The following NKAIN3 variants were observed in gnomAD, a reference collection of about 807,000 sequenced individuals.
The protein encoded by NKAIN3 is sodium/potassium transporting ATPase interacting 3.
In NKAIN3, 25 loss-of-function variants were observed where a neutral mutation model predicts 30.2. That is an observed-to-expected ratio of 0.83 (90% CI 0.60 to 1.16). The LOEUF (loss-of-function observed/expected upper bound fraction) is 1.16, where lower values mean the gene tolerates loss of function less well. NKAIN3 is among the 50% of genes most tolerant of loss of function. The probability of loss-of-function intolerance (pLI) is 0.00; values close to 1 mark genes in which losing one functional copy is unlikely to be tolerated. For missense variants in NKAIN3, 225 were observed against 254.1 expected, an observed-to-expected ratio of 0.89 and a Z score of 0.78; for synonymous variants, 91 against 89.6, an observed-to-expected ratio of 1.02 and a Z score of -0.09.
intron 1 of NKAIN3, among the ~76,000 whole-genome samples, chr8:62,494,452 T>A (rs1807171933): frequency 6.6e-6 from 1 of 152,178 alleles, no homozygotes; most frequent in South Asian, 2.1e-4. Context: ...GCATCAATGT[T>A]CATCAAGAAT....
At chr8:62,321,741 T>A (rs1406974531) in intron 1 of NKAIN3, among the ~76,000 whole-genome samples, 3 of 152,138 alleles carry the variant, frequency 2.0e-5, no homozygotes, top group Admixed American at 6.5e-5. Context: ...CTGCCCCTAC[T>A]GGGGGGTGCC....
At chr8:62,774,778 T>C (rs1205985400) in intron 4 of NKAIN3, among the ~76,000 whole-genome samples, 1 of 152,186 alleles carries the variant, frequency 6.6e-6, no homozygotes, top group Non-Finnish European at 1.5e-5. Flanking sequence ...TGAGAGATCT[T>C]TAAATTTATT....
At chr8:62,768,461 G>A (rs1816914015) in intron 4 of NKAIN3, among the ~76,000 whole-genome samples, 1 of 152,164 alleles carries the variant, frequency 6.6e-6, no homozygotes, top group Non-Finnish European at 1.5e-5. Context: ...AGACAAAGTA[G>A]AGACTTCTGC....
chr8:62,774,537 T>C (rs996761484), intron 4 of NKAIN3, among the ~76,000 whole-genome samples: 1 of 152,206 alleles, frequency 6.6e-6, no homozygotes, highest in Non-Finnish European at 1.5e-5. Flanking sequence ...AGACTAGCTG[T>C]ATGTGTGTCA....
At chr8:62,316,650 T>C (rs1585670202) in intron 1 of NKAIN3, among the ~76,000 whole-genome samples, 1 of 152,206 alleles carries the variant, frequency 6.6e-6, no homozygotes, top group East Asian at 1.9e-4. Flanking sequence ...GGTGTATATG[T>C]GCCACATTTT....
intron 1 of NKAIN3, among the ~76,000 whole-genome samples, chr8:62,518,649 CA>C (rs1156979335): frequency 6.6e-6 from 1 of 151,988 alleles, no homozygotes; most frequent in East Asian, 1.9e-4. Flanking sequence ...CATTAGGGAT[CA>C]AAAGATTTTA....
At chr8:62,890,013 C>A (rs1821256341) in intron 4 of NKAIN3, among the ~76,000 whole-genome samples, 1 of 152,106 alleles carries the variant, frequency 6.6e-6, no homozygotes, top group Non-Finnish European at 1.5e-5. Flanking sequence ...GCTCTATATT[C>A]ACCTTCCCAA....
At chr8:62,808,627 A>G (rs1818382544) in intron 4 of NKAIN3, among the ~76,000 whole-genome samples, 1 of 152,184 alleles carries the variant, frequency 6.6e-6, no homozygotes, top group Non-Finnish European at 1.5e-5. Context: ...CCCCCAAGCC[A>G]CAAAACCAGC....
At chr8:62,620,917 G>C (rs1338654976) in intron 3 of NKAIN3, among the ~76,000 whole-genome samples, 1 of 152,112 alleles carries the variant, frequency 6.6e-6, no homozygotes, top group Non-Finnish European at 1.5e-5. Flanking sequence ...TGAAAGGTCA[G>C]GTAAATTAGA....
At chr8:62,852,064 A>T (rs1049415349) in intron 4 of NKAIN3, among the ~76,000 whole-genome samples, 1 of 152,156 alleles carries the variant, frequency 6.6e-6, no homozygotes, top group Admixed American at 6.5e-5. Context: ...GGTAGAATTC[A>T]GCTGTGAATC....
chr8:62,353,786 T>G (rs1396977554), intron 1 of NKAIN3, among the ~76,000 whole-genome samples: 2 of 152,190 alleles, frequency 1.3e-5, no homozygotes, highest in Non-Finnish European at 2.9e-5. Flanking sequence ...ATATGGAGAA[T>G]AACTTTTTTG....
chr8:62,825,009 G>A (rs1818975033), intron 4 of NKAIN3, among the ~76,000 whole-genome samples: 1 of 152,180 alleles, frequency 6.6e-6, no homozygotes. Flanking sequence ...GTCAAATGCA[G>A]GGGAGTGGGG....
rs1019361112 is a variant in NKAIN3 at position 62,727,285 on chromosome 8, G to A, written c.274-19647G>A. On this transcript the variant is annotated intron_variant, in intron 3 of 6. Transcript: ENST00000623646. ...ACTACAATCTTTCCCACTAAGATCA[G>A]GAACAAGGCAAGAACGTCCCAGCTC... is the stretch of plus-strand genomic sequence containing the variant. 2.0e-4 allele frequency among the ~76,000 whole-genome samples: 30 copies of A among 152,078 alleles called. 3 individuals are homozygous for A. The highest frequency in any genetic ancestry group is 1.8e-3 in the Admixed American group (27 of 15,258).
chr8:62,519,554 A>G (rs1808092194), intron 1 of NKAIN3, among the ~76,000 whole-genome samples: 2 of 152,180 alleles, frequency 1.3e-5, no homozygotes, highest in Admixed American at 1.3e-4. Context: ...CAAAGAAGAA[A>G]TAAAAAATGG....
chr8:62,820,535 T>C (rs1420446065), intron 4 of NKAIN3, among the ~76,000 whole-genome samples: 1 of 152,118 alleles, frequency 6.6e-6, no homozygotes, highest in South Asian at 2.1e-4. Context: ...ATCATGAAGC[T>C]CTATAGGACA....
rs55873861 is a variant in NKAIN3, at chr8:62,763,221, C to CAAAAAA, written c.471+16127_471+16132dup. ...GGGCAACAAGTGCGAGACTCCGTCT[C>CAAAAAA]AAAAAAAAAAAAAAAAAAAAAAAAA... On this transcript the variant is annotated intron_variant, in intron 4 of 6. Coordinates refer to ENST00000623646, the MANE Select transcript of NKAIN3 (RefSeq NM_001304533.3). Among the ~76,000 whole-genome samples the CAAAAAA allele has an allele frequency of 7.2e-4, 34 of 47,188 alleles. 4 individuals carry two copies. The highest frequency in any genetic ancestry group is 1.3e-3 in the East Asian group (2 of 1,498). The allele number at this position is 47,188 out of a possible 152,430, so 31.0% of individuals were successfully genotyped here.
intron 1 of NKAIN3, among the ~76,000 whole-genome samples, chr8:62,498,146 G>A (rs375418896): frequency 1.2e-4 from 19 of 152,034 alleles, no homozygotes; most frequent in African/African-American, 4.3e-4. Flanking sequence ...GCCCAGATTG[G>A]TATATAATGT....
intron 1 of NKAIN3, among the ~76,000 whole-genome samples, chr8:62,477,876 A>G (rs1463536682): frequency 1.3e-5 from 2 of 152,330 alleles, no homozygotes; most frequent in East Asian, 1.9e-4. Flanking sequence ...TTTAAAAAGC[A>G]TGTAATTTCC....
chr8:62,322,241 C>T (rs947499613), intron 1 of NKAIN3, among the ~76,000 whole-genome samples: 3 of 152,176 alleles, frequency 2.0e-5, no homozygotes, highest in African/African-American at 7.2e-5. Context: ...CTTTCTTTGA[C>T]TAGGAAAGGG....
Sources: allele counts gnomAD v4.1 joint callset (sites outside exome capture counted in the v4.1 genomes callset), GRCh38; gene constraint gnomAD v4.1.1; transcripts MANE v1.5; gene names NCBI Gene and HGNC (gene_info 2026-07-23, HGNC 2026-07-21).